LY86: variants seen among roughly 807,000 people sequenced by gnomAD.
The protein encoded by LY86 is MD-1, RP105-associated.
In LY86, 20 loss-of-function variants were observed where a neutral mutation model predicts 17.3. That is an observed-to-expected ratio of 1.15 (90% CI 0.81 to 1.68). The LOEUF (loss-of-function observed/expected upper bound fraction) is 1.68, where lower values mean the gene tolerates loss of function less well. Ranked by LOEUF, LY86 falls within the 40% of genes most tolerant of loss-of-function variation. The pLI is 0.00. For missense variants in LY86, 200 were observed against 191.9 expected (o/e 1.04, Z -0.25); for synonymous variants, 74 against 70.6 (o/e 1.05, Z -0.24).
chr6:6,626,089 C>A (rs189217346), intron 2 of LY86, among the ~76,000 whole-genome samples: 3 of 152,334 alleles, frequency 2.0e-5, no homozygotes, highest in African/African-American at 7.2e-5. Flanking sequence ...GAAACAGCCA[C>A]CTTTCATACG....
At chr6:6,613,530 G>A (rs991996769) in intron 1 of LY86, among the ~76,000 whole-genome samples, 1 of 152,160 alleles carries the variant, frequency 6.6e-6, no homozygotes, top group African/African-American at 2.4e-5. Flanking sequence ...CTGTCAGGCC[G>A]GCCGCTCCGA....
rs1302055665 is a variant in LY86, at chr6:6,619,949, T to G, written c.137-4977T>G. Reference sequence around the variant, plus strand: ...CTACCTTTACAAAGCAGGAAGGACATTGCAATCTTGGGGTTGCACTTGGCC... The same window carrying G: ...CTACCTTTACAAAGCAGGAAGGACAGTGCAATCTTGGGGTTGCACTTGGCC... On this transcript the variant is annotated intron_variant, in intron 1 of 4. Coordinates refer to ENST00000230568, the MANE Select transcript of LY86 (RefSeq NM_004271.4). 3.3e-5 allele frequency among the ~76,000 whole-genome samples: 5 copies of G among 151,874 alleles called. No homozygotes were observed. In the East Asian group the frequency reaches 9.7e-4, roughly 29 times the overall value.
At chr6:6,592,621 G>A (rs1297898735) in intron 1 of LY86, among the ~76,000 whole-genome samples, 1 of 152,184 alleles carries the variant, frequency 6.6e-6, no homozygotes, top group Non-Finnish European at 1.5e-5. Context: ...ATTAGAAGGT[G>A]GGGCCTTTAG....
intron 1 of LY86, among the ~76,000 whole-genome samples, chr6:6,603,603 C>CAAAAAAAAAAAAAAAA (rs1207511602): frequency 3.5e-4 from 25 of 70,446 alleles, no homozygotes; most frequent in Non-Finnish European, 5.1e-4. Flanking sequence ...AAAACAGAAA[C>CAAAAAAAAAAAAAAAA]AGAAAAAAAA....
intron 3 of LY86, among the ~76,000 whole-genome samples, chr6:6,629,874 G>A (rs530296870): frequency 1.3e-5 from 2 of 152,334 alleles, no homozygotes; most frequent in East Asian, 1.9e-4. Flanking sequence ...TCATTATTCA[G>A]CCAAACAAAG....
intron 3 of LY86, among the ~76,000 whole-genome samples, chr6:6,633,759 C>T (rs1404801558): frequency 6.6e-6 from 1 of 152,158 alleles, no homozygotes; most frequent in Non-Finnish European, 1.5e-5. Context: ...GCCTTGGTTC[C>T]ATAACACCAA....
rs370252261 is a variant in LY86, at chr6:6,624,922, G to T, written c.137-4G>T. On this transcript the variant is annotated splice_region_variant and splice_polypyrimidine_tract_variant and intron_variant, in intron 1 of 4. Coordinates refer to ENST00000230568, the MANE Select transcript of LY86 (RefSeq NM_004271.4). ...CAACTAATCTATTGTTTTCTTCTTC[G>T]TAGATCCATTACAAGATTTTGGCTT... 1.8e-5 allele frequency: 26 copies of T among 1,463,120 alleles called. No homozygotes were observed. Among genetic ancestry groups the T allele is most frequent in the Non-Finnish European group, 2.4e-5 (25 of 1,055,120 alleles). The allele number at this position is 1,463,120 out of a possible 1,614,324, so 90.6% of individuals were successfully genotyped here. A position where few individuals can be genotyped will look rare whatever the true frequency, so the allele number is the denominator to read the frequency against.
intron 1 of LY86, among the ~76,000 whole-genome samples, chr6:6,618,393 C>T (rs1310910893): frequency 6.6e-6 from 1 of 151,698 alleles, no homozygotes; most frequent in African/African-American, 2.4e-5. Context: ...GATTCCTACT[C>T]CTTTTCTGTC....
intron 1 of LY86, among the ~76,000 whole-genome samples, chr6:6,612,546 C>T (rs112560661): frequency 0.051 from 7,747 of 152,220 alleles, 651 homozygotes; most frequent in African/African-American, 0.17. Flanking sequence ...ACAAAAGCAA[C>T]GAAACAACCA....
chr6:6,646,580 C>T (rs568887559), intron 3 of LY86, among the ~76,000 whole-genome samples: 1 of 152,292 alleles, frequency 6.6e-6, no homozygotes, highest in South Asian at 2.1e-4. Flanking sequence ...AAATGCCAAG[C>T]CCTCTGCCAT....
chr6:6,645,162 TA>T (rs1254286454), intron 3 of LY86, among the ~76,000 whole-genome samples: 1 of 151,758 alleles, frequency 6.6e-6, no homozygotes, highest in Non-Finnish European at 1.5e-5. Context: ...AACGAAAGTT[TA>T]AAAAAAAGGC....
At chr6:6,619,606 G>T (rs1450630277) in intron 1 of LY86, among the ~76,000 whole-genome samples, 2 of 152,216 alleles carry the variant, frequency 1.3e-5, no homozygotes, top group African/African-American at 4.8e-5. Context: ...TCCTCCGCAG[G>T]TCGTGCCTCT....
At chr6:6,616,344 T>C (rs901402278) in intron 1 of LY86, among the ~76,000 whole-genome samples, 1 of 152,168 alleles carries the variant, frequency 6.6e-6, no homozygotes, top group Admixed American at 6.5e-5. Flanking sequence ...CTGTCTTCTG[T>C]CTGCCTCGCT....
intron 3 of LY86, among the ~76,000 whole-genome samples, chr6:6,644,876 T>G (rs1025732466): frequency 1.3e-5 from 2 of 152,084 alleles, no homozygotes; most frequent in Non-Finnish European, 1.5e-5. Flanking sequence ...GAGTGAAAAT[T>G]TAATTTTAGG....
chr6:6,603,650 CACACAG>C lies in LY86; in HGVS notation c.136+14782_136+14787del, dbSNP rs1306427015. On this transcript the variant is annotated intron_variant, in intron 1 of 4. Coordinates refer to ENST00000230568, the MANE Select transcript of LY86 (RefSeq NM_004271.4). ...AAAACAAAACACACACACACACACA[CACACAG>C]AGTGGAAAACCAACAGTGAAGTTGT... Among the ~76,000 whole-genome samples the C allele has an allele frequency of 4.6e-3, 650 of 140,234 alleles. 6 individuals are homozygous for C. Among genetic ancestry groups the C allele is most frequent in the South Asian group, 0.021 (89 of 4,298 alleles). 92.0% of individuals were successfully genotyped at this position (140,234 alleles called of 152,430 possible).
intron 3 of LY86, among the ~76,000 whole-genome samples, chr6:6,627,458 C>G (rs1261781229): frequency 6.6e-6 from 1 of 152,196 alleles, no homozygotes; most frequent in African/African-American, 2.4e-5. Flanking sequence ...GCAGAACCAG[C>G]CTGGCTGCCT....
Position 6,601,655 on chromosome 6 carries a change from G to A in LY86, c.136+12785G>A, listed in dbSNP as rs546773056. Among the ~76,000 whole-genome samples, 21 of 152,232 alleles carry A rather than the reference G, an allele frequency of 1.4e-4. No individual in the cohort carries two copies. The East Asian group carries it at 3.9e-3, about 28-fold the overall frequency. ...GAATGGCGTGAACCCAGGAGGCAGA[G>A]CTTGCAGTGAGCAGAGATCGTGCCA... is the stretch of plus-strand genomic sequence containing the variant. On this transcript the variant is annotated intron_variant, in intron 1 of 4. Coordinates refer to ENST00000230568, the MANE Select transcript of LY86 (RefSeq NM_004271.4).
intron 3 of LY86, among the ~76,000 whole-genome samples, chr6:6,633,677 G>A (rs1203622995): frequency 6.6e-6 from 1 of 152,018 alleles, no homozygotes; most frequent in East Asian, 1.9e-4. Context: ...TAAGAGACAT[G>A]TCAACTATCA....
rs1218652181 is a variant in LY86, at chr6:6,654,674, T to C, written c.*47T>C. The C allele has an allele frequency of 3.3e-6, 5 of 1,501,050 alleles. No homozygotes were observed. Among genetic ancestry groups the C allele is most frequent in the Non-Finnish European group, 4.6e-6 (5 of 1,078,244 alleles). 93.0% of individuals were successfully genotyped at this position (1,501,050 alleles called of 1,614,324 possible). A position where few individuals can be genotyped will look rare whatever the true frequency, so the allele number is the denominator to read the frequency against. On this transcript the variant is annotated 3_prime_UTR_variant, in exon 5 of 5. Transcript: ENST00000230568. The stretch of plus-strand genomic sequence containing the variant: ...ACAGCCAGCTGCATCTCGTGGGACC[T>C]CCAAGCTCCTCTGACTGAACCTACT...
Sources: gnomAD v4.1 joint callset for allele counts (sites outside exome capture counted in the v4.1 genomes callset) on GRCh38, gnomAD v4.1.1 for gene constraint, MANE v1.5 for transcripts, NCBI Gene and HGNC (gene_info 2026-07-23, HGNC 2026-07-21) for gene names.